The following SYNCRIP variants were observed in gnomAD, a reference collection of about 807,000 sequenced individuals.
SYNCRIP encodes the protein synaptotagmin binding cytoplasmic RNA interacting protein, also known as heterogeneous nuclear ribonucleoprotein Q.
SYNCRIP carries 9 observed loss-of-function variants against 68.9 expected under a neutral mutation model. That is an observed-to-expected ratio of 0.13 (90% CI 0.08 to 0.23). The LOEUF (loss-of-function observed/expected upper bound fraction) is 0.23, where lower values mean the gene tolerates loss of function less well. Among genes scored for constraint, SYNCRIP ranks in the 10% least tolerant of loss-of-function variants. SYNCRIP has a pLI of 1.00. For missense variants in SYNCRIP, 414 were observed against 770.6 expected, an observed-to-expected ratio of 0.54 and a Z score of 5.48; for synonymous variants, 258 against 254.0, an observed-to-expected ratio of 1.02 and a Z score of -0.15.
In SYNCRIP at chr6:85,636,853, T is replaced by C. The variant is rs546061620; in HGVS notation, c.666+114A>G. On this transcript the variant is annotated intron_variant, in intron 6 of 10. Transcript: ENST00000369622. ...ACAGTGATGTGGGAAAAAAAAAACC[T>C]GCCTAAATCAGTACTTCAAAAAATG... 1.1e-4 allele frequency: 114 copies of C among 1,006,394 alleles called. No individual in the cohort carries two copies. The South Asian group carries it at 2.0e-3, about 18-fold the overall frequency. 62.3% of individuals were successfully genotyped at this position (1,006,394 alleles called of 1,614,324 possible). A position where few individuals can be genotyped will look rare whatever the true frequency, so the allele number is the denominator to read the frequency against.
chr6:85,618,569 A>C (rs2128281532), intron 10 of SYNCRIP, among the ~76,000 whole-genome samples: 1 of 152,214 alleles, frequency 6.6e-6, no homozygotes, highest in East Asian at 1.9e-4. Flanking sequence ...AAAGCTAGAC[A>C]GATTTTTCAT....
intron 10 of SYNCRIP, among the ~76,000 whole-genome samples, chr6:85,616,139 ACATAC>A (rs765131985): frequency 3.3e-5 from 5 of 152,218 alleles, no homozygotes; most frequent in Non-Finnish European, 7.3e-5. Context: ...GCATATGCTT[ACATAC>A]TATGTAAAAG....
At chr6:85,629,514 T>TAC (rs1286644289) in intron 6 of SYNCRIP, among the ~76,000 whole-genome samples, 1 of 28,698 alleles carries the variant, frequency 3.5e-5, no homozygotes, top group Non-Finnish European at 7.8e-5. Flanking sequence ...AAACTAAAAA[T>TAC]ACAAAAAAAA....
intron 6 of SYNCRIP, among the ~76,000 whole-genome samples, chr6:85,630,310 G>T (rs113909646): frequency 0.014 from 2,131 of 152,222 alleles, 47 homozygotes; most frequent in African/African-American, 0.049. Flanking sequence ...GCAATGAGCC[G>T]AGATCGTGCC....
At chr6:85,635,774 C>CAAAAAAAAAAAA (rs58599854) in intron 6 of SYNCRIP, among the ~76,000 whole-genome samples, 34 of 78,896 alleles carry the variant, frequency 4.3e-4, no homozygotes, top group African/African-American at 1.5e-3. Flanking sequence ...TTCTATCTCC[C>CAAAAAAAAAAAA]AAAAAAAAAA....
chr6:85,615,528 A>G (rs1805672023), intron 10 of SYNCRIP, among the ~76,000 whole-genome samples, 181 bp from the exon 11 acceptor site: 1 of 152,252 alleles, frequency 6.6e-6, no homozygotes, highest in Non-Finnish European at 1.5e-5. Context: ...GATCAGGATG[A>G]CAATATAGGC....
At position 85,637,039 on chromosome 6, in the gene SYNCRIP, G is replaced by C. The variant is rs780409622; in HGVS notation, c.594C>G (p.Leu198=). The change falls in exon 6 of 11, where the codon CTC becomes CTG. Residue 198 remains leucine, a synonymous_variant. Transcript: ENST00000369622. ...ACGCATAACCTCTATTGAGACCAGT[G>C]AGTGGATCCATCATTAGACGAAGAT... is the stretch of plus-strand genomic sequence containing the variant. ...IWDLRLMMDP[L]TGLNRGYAFV... is the part of the protein sequence containing the mutation. 1.2e-6 allele frequency: 2 copies of C among 1,614,000 alleles called. No individual in the cohort carries two copies. Among genetic ancestry groups the C allele is most frequent in the African/African-American group, 1.3e-5 (1 of 74,906 alleles).
chr6:85,634,512 GCTCAA>G (rs751395282), intron 6 of SYNCRIP, among the ~76,000 whole-genome samples: 9 of 151,868 alleles, frequency 5.9e-5, no homozygotes, highest in African/African-American at 1.5e-4. Flanking sequence ...ATCCATGAAT[GCTCAA>G]CTCTCTTAAA....
At chr6:85,623,579 A>AAAAAACAAAAAAAAAAAAAC (rs1554184894) in intron 7 of SYNCRIP, among the ~76,000 whole-genome samples, 20 of 125,868 alleles carry the variant, frequency 1.6e-4, no homozygotes, top group East Asian at 2.8e-4. Flanking sequence ...AAAAAAAAAA[A>AAAAAACAAAAAAAAAAAAAC]AAAACACTCT....
chr6:85,615,914 C>T (rs2842600), intron 10 of SYNCRIP, among the ~76,000 whole-genome samples: 78,598 of 152,056 alleles, frequency 0.52, 21,237 homozygotes, highest in African/African-American at 0.67. Flanking sequence ...GACAAGCACA[C>T]AACCAAAATG....
At chr6:85,616,241 C>A (rs1424598154) in intron 10 of SYNCRIP, among the ~76,000 whole-genome samples, 1 of 152,118 alleles carries the variant, frequency 6.6e-6, no homozygotes, top group Non-Finnish European at 1.5e-5. Flanking sequence ...TATTTTGAGC[C>A]CAATAATCCC....
Position 85,637,366 on chromosome 6 carries a change from T to A in SYNCRIP, c.376-10A>T. 6.4e-7 allele frequency: 1 copy of A among 1,562,860 alleles called. No homozygotes were observed. Among genetic ancestry groups the A allele is most frequent in the Non-Finnish European group, 8.8e-7 (1 of 1,138,792 alleles). On this transcript the variant is annotated splice_polypyrimidine_tract_variant and intron_variant, in intron 4 of 10. Coordinates refer to ENST00000369622, the MANE Select transcript of SYNCRIP (RefSeq NM_006372.5). ...TTCTTTCCAAGAGTGCCTTGAAAAGTTCAAACGTCATTAATACATTTAATT... is the reference window on the plus strand; with the variant it reads ...TTCTTTCCAAGAGTGCCTTGAAAAGATCAAACGTCATTAATACATTTAATT...
intron 1 of SYNCRIP, among the ~76,000 whole-genome samples, chr6:85,642,498 G>A (rs1809318414): frequency 6.6e-6 from 1 of 152,096 alleles, no homozygotes; most frequent in African/African-American, 2.4e-5. Context: ...CCCGCGCCGC[G>A]GCGACCGCCA....
At chr6:85,637,397 G>C (rs1365612715) in intron 4 of SYNCRIP, 41 bp from the exon 5 acceptor site, 1 of 1,261,406 alleles carries the variant, frequency 7.9e-7, no homozygotes, top group East Asian at 2.3e-5. Context: ...TAATTCACTA[G>C]ACCACACCCA....
chr6:85,623,370 C>A (rs938509230), intron 7 of SYNCRIP, among the ~76,000 whole-genome samples: 1 of 151,832 alleles, frequency 6.6e-6, no homozygotes, highest in Non-Finnish European at 1.5e-5. Flanking sequence ...ACAAGACCAG[C>A]CTGGCCAATA....
rs745778681 is a variant in SYNCRIP at position 85,615,107 on chromosome 6, A to G, written c.1521T>C (p.Ala507=). The change falls in exon 11 of 11, where the codon GCT becomes GCC. Residue 507 remains alanine, a synonymous_variant. Transcript: ENST00000369622. ...GRGGRGARGA[A]PSRGRGAAPP... is the part of the protein sequence containing the mutation. The stretch of plus-strand genomic sequence containing the variant: ...GAGCAGCCCCACGACCTCTGGATGG[A>G]GCAGCACCCCTTGCTCCTCTACCAC... 1 of 1,614,080 alleles carries G rather than the reference A, an allele frequency of 6.2e-7. No individual in the cohort carries two copies. The highest frequency in any genetic ancestry group is 8.5e-7 in the Non-Finnish European group (1 of 1,180,020).
chr6:85,609,129 T>C (rs1267128820), downstream of SYNCRIP: 1 of 151,890 alleles, frequency 6.6e-6, no homozygotes, highest in Non-Finnish European at 1.5e-5. Context: ...GATGAAAATT[T>C]TGTGGTATAC....
chr6:85,632,659 T>C (rs1213838387), intron 6 of SYNCRIP, among the ~76,000 whole-genome samples: 1 of 152,112 alleles, frequency 6.6e-6, no homozygotes, highest in African/African-American at 2.4e-5. Context: ...AAGTAAACAA[T>C]GGCCAGGCGC....
intron 10 of SYNCRIP, among the ~76,000 whole-genome samples, chr6:85,615,888 G>A (rs1260602553): frequency 6.6e-6 from 1 of 152,202 alleles, no homozygotes; most frequent in African/African-American, 2.4e-5. Context: ...TATTACAAAA[G>A]CAAAATGGCA....
Sources: gnomAD v4.1 joint callset for allele counts (sites outside exome capture counted in the v4.1 genomes callset) on GRCh38, gnomAD v4.1.1 for gene constraint, MANE v1.5 for transcripts, NCBI Gene and HGNC (gene_info 2026-07-23, HGNC 2026-07-21) for gene names.